Variants in TFPI observed in about 807,000 individuals in gnomAD.
TFPI encodes the protein anti-convertin.
A neutral mutation model predicts 34.6 loss-of-function variants in TFPI; 15 were observed. That is an observed-to-expected ratio of 0.43 (90% CI 0.29 to 0.67). The LOEUF (loss-of-function observed/expected upper bound fraction) is 0.67. Ranked by LOEUF, TFPI falls within the 30% of genes least tolerant of loss-of-function variation. The probability of loss-of-function intolerance (pLI) is 0.15; values close to 1 mark genes in which losing one functional copy is unlikely to be tolerated. For missense variants in TFPI, 301 were observed against 364.0 expected, an observed-to-expected ratio of 0.83 and a Z score of 1.41; for synonymous variants, 105 against 120.1, an observed-to-expected ratio of 0.87 and a Z score of 0.82.
intron 1 of TFPI, among the ~76,000 whole-genome samples, chr2:187,541,475 G>A (rs1262137366): frequency 1.3e-5 from 2 of 152,126 alleles, no homozygotes; most frequent in Non-Finnish European, 2.9e-5. Flanking sequence ...TCAAGGTGAG[G>A]CAGTTTGAGT....
At chr2:187,482,758 C>T (rs987697497) in intron 6 of TFPI, among the ~76,000 whole-genome samples, 1 of 151,506 alleles carries the variant, frequency 6.6e-6, no homozygotes, top group Non-Finnish European at 1.5e-5. Flanking sequence ...CACATTAATC[C>T]TCATGCTTAG....
intron 3 of TFPI, among the ~76,000 whole-genome samples, chr2:187,492,985 T>C (rs1193752751): frequency 1.3e-5 from 2 of 152,098 alleles, no homozygotes; most frequent in African/African-American, 4.8e-5. Context: ...TACCATTCTG[T>C]GGCCTGGAGT....
At chr2:187,528,388 T>A (rs1687786227) in intron 1 of TFPI, among the ~76,000 whole-genome samples, 1 of 152,138 alleles carries the variant, frequency 6.6e-6, no homozygotes, top group African/African-American at 2.4e-5. Flanking sequence ...CCTTCAAACT[T>A]GAAAGGAAAT....
At chr2:187,518,101 C>T (rs1196450959) in intron 1 of TFPI, 1 of 152,186 alleles carries the variant, frequency 6.6e-6, no homozygotes, top group Admixed American at 6.5e-5. Flanking sequence ...TCCAATTTGC[C>T]AGTCTCTGTC....
chr2:187,529,899 A>G (rs1244280817), intron 1 of TFPI, among the ~76,000 whole-genome samples: 1 of 152,220 alleles, frequency 6.6e-6, no homozygotes, highest in Admixed American at 6.5e-5. Flanking sequence ...GGTCATATCA[A>G]TCACATTTCT....
chr2:187,476,163 G>A, intron 6 of TFPI, among the ~76,000 whole-genome samples: 1 of 152,092 alleles, frequency 6.6e-6, no homozygotes, highest in East Asian at 1.9e-4. Context: ...GCATCCATGT[G>A]ATCATATCTG....
At chr2:187,542,442 G>A (rs1355453923) in intron 1 of TFPI, among the ~76,000 whole-genome samples, 1 of 152,074 alleles carries the variant, frequency 6.6e-6, no homozygotes, top group African/African-American at 2.4e-5. Context: ...ATTTCTTGCT[G>A]TGATTAAATT....
chr2:187,495,571 AT>A (rs1160119789), intron 3 of TFPI, among the ~76,000 whole-genome samples: 1 of 152,186 alleles, frequency 6.6e-6, no homozygotes, highest in Admixed American at 6.6e-5. Context: ...ATTCGTGTCT[AT>A]TCTCTTCTTT....
intron 1 of TFPI, among the ~76,000 whole-genome samples, chr2:187,535,532 C>A (rs1022414589): frequency 6.6e-6 from 1 of 152,096 alleles, no homozygotes; most frequent in Non-Finnish European, 1.5e-5. Flanking sequence ...TTATTTGAAA[C>A]CAATGAGAAT....
At chr2:187,508,375 G>T (rs1404353296) in intron 1 of TFPI, among the ~76,000 whole-genome samples, 1 of 152,124 alleles carries the variant, frequency 6.6e-6, no homozygotes, top group Non-Finnish European at 1.5e-5. Context: ...GCTTAATTGG[G>T]ATAGCATTGA....
intron 1 of TFPI, among the ~76,000 whole-genome samples, chr2:187,543,017 G>GAAGTTAACTGGACAAA (rs1688666153): frequency 6.6e-6 from 1 of 152,146 alleles, no homozygotes; most frequent in South Asian, 2.1e-4. Flanking sequence ...ACTGGACAGA[G>GAAGTTAACTGGACAAA]ATAAAGAACA....
intron 1 of TFPI, among the ~76,000 whole-genome samples, chr2:187,528,767 G>C (rs560808303): frequency 2.0e-5 from 3 of 151,620 alleles, no homozygotes; most frequent in Admixed American, 6.6e-5. Context: ...ATAACAAATT[G>C]TCCAAAAAAC....
chr2:187,496,645 G>T (rs540839292), intron 3 of TFPI, among the ~76,000 whole-genome samples: 1 of 151,888 alleles, frequency 6.6e-6, no homozygotes, highest in Non-Finnish European at 1.5e-5. Context: ...AATGTCTCTC[G>T]GGCATATAGA....
chr2:187,484,266 A>G (rs761506094), intron 5 of TFPI, 50 bp from the exon 6 acceptor site: 1 of 1,519,980 alleles, frequency 6.6e-7, no homozygotes, highest in Non-Finnish European at 9.1e-7. Context: ...TCACAATCTC[A>G]TATTTGGACT....
intron 1 of TFPI, among the ~76,000 whole-genome samples, chr2:187,523,736 C>T (rs1687536714): frequency 6.6e-6 from 1 of 151,998 alleles, no homozygotes; most frequent in East Asian, 1.9e-4. Flanking sequence ...CATTCATCCT[C>T]CTCCTTCCCT....
intron 1 of TFPI, among the ~76,000 whole-genome samples, chr2:187,504,594 T>TAAG (rs1686075648): frequency 6.7e-6 from 1 of 150,370 alleles, no homozygotes; most frequent in Non-Finnish European, 1.5e-5. Context: ...AAGAAAGAAG[T>TAAG]AAGTCACCTT....
chr2:187,498,987 C>T lies in TFPI; in HGVS notation c.122-1909G>A, dbSNP rs186989712. ...AAAATATAATGTTTGTGTTTACCAA[C>T]ATGATTTTTAAAATAATTTTAAACC... On this transcript the variant is annotated intron_variant, in intron 2 of 7. Transcript: ENST00000233156. Among the ~76,000 whole-genome samples, 322 of 152,038 alleles carry T rather than the reference C, an allele frequency of 2.1e-3. 2 individuals carry two copies. The highest frequency in any genetic ancestry group is 7.3e-3 in the African/African-American group (304 of 41,544).
intron 1 of TFPI, among the ~76,000 whole-genome samples, chr2:187,549,557 T>C (rs563865118): frequency 6.6e-6 from 1 of 152,240 alleles, no homozygotes; most frequent in East Asian, 1.9e-4. Context: ...CCTGAATAGC[T>C]ATTGTTATTT....
intron 1 of TFPI, among the ~76,000 whole-genome samples, chr2:187,541,224 GA>G (rs1051101603): frequency 1.3e-5 from 2 of 152,136 alleles, no homozygotes; most frequent in African/African-American, 4.8e-5. Context: ...GAAGTTTGGG[GA>G]TAAGAATTAT....
Sources: allele counts gnomAD v4.1 joint callset (sites outside exome capture counted in the v4.1 genomes callset), GRCh38; gene constraint gnomAD v4.1.1; transcripts MANE v1.5; gene names NCBI Gene and HGNC (gene_info 2026-07-23, HGNC 2026-07-21).